CCDC171: variants seen among roughly 807,000 people sequenced by gnomAD.
CCDC171 encodes the protein coiled-coil domain containing 171.
Under a neutral mutation model 168.2 loss-of-function variants are expected in CCDC171, and 177 were observed. The observed-to-expected ratio is 1.05, with a 90% CI of 0.93 to 1.19. The LOEUF is 1.19. CCDC171 is among the 50% of genes most tolerant of loss of function. The probability of loss-of-function intolerance (pLI) is 0.00; values close to 1 mark genes in which losing one functional copy is unlikely to be tolerated. For synonymous variants in CCDC171, 687 were observed against 540.8 expected (o/e 1.27, Z -3.75); for missense variants, 1,991 against 1,539.0 (o/e 1.29, Z -4.91).
upstream of CCDC171, among the ~76,000 whole-genome samples, chr9:16,038,190 A>G (rs545959598): frequency 2.0e-5 from 3 of 152,280 alleles, no homozygotes; most frequent in South Asian, 6.2e-4. Flanking sequence ...CAGCTAAACT[A>G]TTACTCAACA....
intron 21 of CCDC171, among the ~76,000 whole-genome samples, chr9:15,826,040 T>G (rs1265002656): frequency 6.6e-6 from 1 of 152,096 alleles, no homozygotes; most frequent in African/African-American, 2.4e-5. Context: ...TCTATGGCTC[T>G]TATATTTTAA....
chr9:15,657,310 G>C, intron 8 of CCDC171, 91 bp downstream of exon 8: 1 of 711,542 alleles, frequency 1.4e-6, no homozygotes, highest in Admixed American at 2.4e-5. Flanking sequence ...GAACGAAGGT[G>C]TGCATTGAGA....
intron 18 of CCDC171, among the ~76,000 whole-genome samples, chr9:15,767,423 C>G (rs940700856): frequency 2.6e-5 from 4 of 152,174 alleles, no homozygotes; most frequent in African/African-American, 9.7e-5. Flanking sequence ...TTAAAGGACT[C>G]TTGTCATTAT....
intron 10 of CCDC171, among the ~76,000 whole-genome samples, chr9:15,682,451 G>GT (rs1304495596): frequency 6.6e-6 from 1 of 151,866 alleles, no homozygotes; most frequent in East Asian, 1.9e-4. Context: ...AAATTTAATT[G>GT]TACTTTATTT....
At chr9:15,779,717 A>G (rs1273624826) in intron 20 of CCDC171, among the ~76,000 whole-genome samples, 1 of 152,224 alleles carries the variant, frequency 6.6e-6, no homozygotes, top group Non-Finnish European at 1.5e-5. Flanking sequence ...ATGAAATCAA[A>G]TTGCTTTTCC....
intron 18 of CCDC171, among the ~76,000 whole-genome samples, chr9:15,764,013 A>G (rs2056590875): frequency 6.6e-6 from 1 of 152,112 alleles, no homozygotes; most frequent in African/African-American, 2.4e-5. Flanking sequence ...AAGCGGTGGT[A>G]GTTGGGGAAA....
At chr9:15,945,849 T>C (rs56188470) in intron 25 of CCDC171, among the ~76,000 whole-genome samples, 38 of 151,632 alleles carry the variant, frequency 2.5e-4, no homozygotes, top group African/African-American at 9.2e-4. Context: ...ACTCTGATGG[T>C]AGTTTCTTTT....
chr9:15,690,651 T>A (rs2133671256), intron 10 of CCDC171, among the ~76,000 whole-genome samples: 1 of 152,276 alleles, frequency 6.6e-6, no homozygotes, highest in East Asian at 1.9e-4. Context: ...TACTATTGAT[T>A]TGCACACTTG....
At chr9:15,623,211 T>C (rs2044647567) in intron 6 of CCDC171, 56 bp from the exon 7 acceptor site, 2 of 1,346,332 alleles carry the variant, frequency 1.5e-6, no homozygotes, top group East Asian at 4.9e-5. Context: ...TTGGAGTGAC[T>C]CTTAGTCATT....
chr9:15,716,218 T>C (rs572565921), intron 11 of CCDC171, among the ~76,000 whole-genome samples: 1 of 152,308 alleles, frequency 6.6e-6, no homozygotes, highest in South Asian at 2.1e-4. Flanking sequence ...GGATTTTGAG[T>C]TGATGTTATT....
chr9:15,767,797 GCT>G (rs2056802964), intron 18 of CCDC171, among the ~76,000 whole-genome samples: 1 of 58,572 alleles, frequency 1.7e-5, no homozygotes, highest in Non-Finnish European at 3.4e-5. Context: ...TGCCCTATGG[GCT>G]CTTTTTCTTT....
At chr9:15,623,473 GCGCACACACACACACACA>G in intron 7 of CCDC171, 60 bp downstream of exon 7, 1 of 464,174 alleles carries the variant, frequency 2.2e-6, no homozygotes, top group South Asian at 2.3e-5. Context: ...ATGCGCGCGC[GCGCACACACACACACACA>G]CACACACACA....
At position 15,586,353 on chromosome 9, in the gene CCDC171, A is replaced by T. The variant is rs182483793; in HGVS notation, c.353-5013A>T. 5.9e-5 allele frequency among the ~76,000 whole-genome samples: 9 copies of T among 152,328 alleles called. No individual in the cohort carries two copies. In the East Asian group the frequency reaches 1.5e-3, roughly 26 times the overall value. ...TGTTGAGGGTAGTGTAAAAAGCCTAATGCAGTTATGAGATAATCCCATAAC... is the reference window on the plus strand; with the variant it reads ...TGTTGAGGGTAGTGTAAAAAGCCTATTGCAGTTATGAGATAATCCCATAAC... On this transcript the variant is annotated intron_variant, in intron 4 of 25. Coordinates refer to ENST00000380701, the MANE Select transcript of CCDC171 (RefSeq NM_173550.4).
At chr9:15,609,102 A>T (rs925168325) in intron 6 of CCDC171, among the ~76,000 whole-genome samples, 4 of 143,392 alleles carry the variant, frequency 2.8e-5, no homozygotes, top group Admixed American at 2.1e-4. Context: ...ACAGTTTAAA[A>T]TTTTTTTTTT....
intron 21 of CCDC171, among the ~76,000 whole-genome samples, chr9:15,826,447 T>C (rs776732803): frequency 9.2e-5 from 14 of 152,150 alleles, no homozygotes; most frequent in East Asian, 3.8e-4. Flanking sequence ...TGGAGTCTAT[T>C]TCCCTCTTTT....
intron 12 of CCDC171, among the ~76,000 whole-genome samples, 185 bp downstream of exon 12, chr9:15,722,060 C>T (rs1393458060): frequency 2.6e-5 from 4 of 152,166 alleles, no homozygotes; most frequent in Non-Finnish European, 5.9e-5. Flanking sequence ...GTCTCACTTA[C>T]GTTTTTGTAA....
At chr9:16,051,811 G>C (rs1051826519) in intron 1 of CCDC171, among the ~76,000 whole-genome samples, 1 of 152,164 alleles carries the variant, frequency 6.6e-6, no homozygotes, top group African/African-American at 2.4e-5. Context: ...TGCTAATAAA[G>C]ACATACCCAA....
Position 15,607,145 on chromosome 9 carries a change from G to A in CCDC171, c.675+12973G>A, listed in dbSNP as rs371907204. ...ATATTTGAACATACAACCCCCCCAG[G>A]GATTTATATATACTCAATGCCCAAT... is the stretch of plus-strand genomic sequence containing the variant. On this transcript the variant is annotated intron_variant, in intron 6 of 25. Coordinates refer to ENST00000380701, the MANE Select transcript of CCDC171 (RefSeq NM_173550.4). 5.3e-5 allele frequency among the ~76,000 whole-genome samples: 8 copies of A among 152,062 alleles called. No individual in the cohort carries two copies. In the East Asian group the frequency reaches 1.5e-3, roughly 29 times the overall value.
At chr9:15,824,999 A>T (rs1190802318) in intron 21 of CCDC171, among the ~76,000 whole-genome samples, 1 of 152,078 alleles carries the variant, frequency 6.6e-6, no homozygotes, top group Non-Finnish European at 1.5e-5. Context: ...ATTATTGAAG[A>T]GATGGAAGGA....
Sources: allele counts gnomAD v4.1 joint callset (sites outside exome capture counted in the v4.1 genomes callset), GRCh38; gene constraint gnomAD v4.1.1; transcripts MANE v1.5; gene names NCBI Gene and HGNC (gene_info 2026-07-23, HGNC 2026-07-21).